The following MIPEP variants were observed in gnomAD, a reference collection of about 807,000 sequenced individuals.
The protein encoded by MIPEP is mitochondrial intermediate peptidase.
A neutral mutation model predicts 90.3 loss-of-function variants in MIPEP; 79 were observed. The ratio of observed to expected loss-of-function variants is 0.87; its 90% CI spans 0.73 to 1.05. The LOEUF (loss-of-function observed/expected upper bound fraction) is 1.05, where lower values mean the gene tolerates loss of function less well. Ranked by LOEUF, MIPEP falls within the 50% of genes least tolerant of loss-of-function variation. The pLI, the probability that MIPEP is intolerant of heterozygous loss-of-function variation, is 0.00. For synonymous variants in MIPEP, 334 were observed against 315.8 expected (o/e 1.06, Z -0.61); for missense variants, 940 against 905.6 (o/e 1.04, Z -0.49).
At chr13:23,768,745 C>T (rs1430108833) in intron 16 of MIPEP, among the ~76,000 whole-genome samples, 3 of 151,906 alleles carry the variant, frequency 2.0e-5, no homozygotes, top group Non-Finnish European at 2.9e-5. Flanking sequence ...AAAAACAAAA[C>T]AAAACAAAAA....
At chr13:23,772,856 T>A (rs1260551806) in intron 16 of MIPEP, among the ~76,000 whole-genome samples, 2 of 151,184 alleles carry the variant, frequency 1.3e-5, no homozygotes, top group South Asian at 4.1e-4. Context: ...TTCCCTGCTC[T>A]AAGACAGTGA....
chr13:23,883,593 T>C (rs1439391795), intron 2 of MIPEP, among the ~76,000 whole-genome samples: 1 of 152,162 alleles, frequency 6.6e-6, no homozygotes, highest in Non-Finnish European at 1.5e-5. Flanking sequence ...GTAAACAATA[T>C]GTAAATAGCT....
intron 18 of MIPEP, among the ~76,000 whole-genome samples, chr13:23,748,008 G>A (rs1436079424): frequency 6.6e-6 from 1 of 152,132 alleles, no homozygotes; most frequent in African/African-American, 2.4e-5. Flanking sequence ...CAAAGTGCTG[G>A]TATTACAGGC....
At chr13:23,749,919 G>C (rs959678402) in intron 18 of MIPEP, among the ~76,000 whole-genome samples, 1 of 151,964 alleles carries the variant, frequency 6.6e-6, no homozygotes, top group African/African-American at 2.4e-5. Context: ...GCCTCATTTT[G>C]TGCCTAATAC....
chr13:23,830,828 T>C (rs1868703047), intron 14 of MIPEP, among the ~76,000 whole-genome samples: 1 of 152,174 alleles, frequency 6.6e-6, no homozygotes, highest in Non-Finnish European at 1.5e-5. Flanking sequence ...CAGCCACCCC[T>C]CAGGATGGTT....
chr13:23,879,896 G>A (rs561895316), intron 3 of MIPEP, among the ~76,000 whole-genome samples: 2 of 152,226 alleles, frequency 1.3e-5, no homozygotes, highest in East Asian at 3.9e-4. Context: ...CCACTGTTGA[G>A]CAGTTGTGCC....
At chr13:23,775,950 G>A (rs1296444450) in intron 16 of MIPEP, among the ~76,000 whole-genome samples, 3 of 152,154 alleles carry the variant, frequency 2.0e-5, no homozygotes, top group Non-Finnish European at 4.4e-5. Context: ...AGAATAAAAT[G>A]TTATCAAAAT....
chr13:23,870,144 A>G lies in MIPEP; in HGVS notation c.655T>C (p.Phe219Leu), dbSNP rs565299843. 1.9e-6 allele frequency: 3 copies of G among 1,612,158 alleles called. No homozygotes were observed. The East Asian group carries it at 6.7e-5, about 36-fold the overall frequency. ...NVKILDLSSTFLMGTNFPNKI... is the reference protein window; with the variant it reads ...NVKILDLSSTLLMGTNFPNKI... ...TTGGGAAAATTGGTTCCCATAAGAA[A>G]TGTACTACTCAAATCCAAGATTTTA... The change falls in exon 6 of 19, where the codon TTT becomes CTT. Residue 219 changes from phenylalanine to leucine, a missense_variant. Physicochemically the swap from Phe to Leu is conservative, Grantham distance 22 (BLOSUM62 0). Coordinates refer to ENST00000382172, the MANE Select transcript of MIPEP (RefSeq NM_005932.4).
intron 16 of MIPEP, among the ~76,000 whole-genome samples, chr13:23,797,285 A>C (rs1952973043): frequency 6.6e-6 from 1 of 151,942 alleles, no homozygotes; most frequent in Non-Finnish European, 1.5e-5. Context: ...ATGACTCCCA[A>C]ATCTACAGAG....
At chr13:23,831,716 C>CTATTA (rs973600698) in intron 14 of MIPEP, among the ~76,000 whole-genome samples, 16 of 152,286 alleles carry the variant, frequency 1.1e-4, no homozygotes, top group Admixed American at 7.8e-4. Flanking sequence ...CCAGAGAGAG[C>CTATTA]TATTACTCCA....
intron 10 of MIPEP, among the ~76,000 whole-genome samples, chr13:23,843,717 G>A (rs1869408006): frequency 6.6e-6 from 1 of 152,162 alleles, no homozygotes; most frequent in Non-Finnish European, 1.5e-5. Context: ...GGGCTGACAG[G>A]AGGACAGACT....
intron 7 of MIPEP, among the ~76,000 whole-genome samples, chr13:23,867,149 T>C (rs1476107313): frequency 6.6e-6 from 1 of 151,970 alleles, no homozygotes; most frequent in Non-Finnish European, 1.5e-5. Flanking sequence ...ATCATCTCAC[T>C]CCTCTGCCCC....
chr13:23,880,537 G>A (rs533401718), intron 3 of MIPEP, among the ~76,000 whole-genome samples: 40 of 152,316 alleles, frequency 2.6e-4, no homozygotes, highest in Admixed American at 1.2e-3. Flanking sequence ...ACCAGCCCAC[G>A]TCTAATTCGG....
In MIPEP at chr13:23,772,506, T is replaced by C. The variant is rs1355962815; in HGVS notation, c.1849-12289A>G. The stretch of plus-strand genomic sequence containing the variant: ...TGAAGTATTCTTACAATTATTAGTA[T>C]AAAAAGAGAATCAACTAGCATTACT... On this transcript the variant is annotated intron_variant, in intron 16 of 18. Transcript: ENST00000382172. 2.0e-5 allele frequency among the ~76,000 whole-genome samples: 3 copies of C among 152,212 alleles called. No individual in the cohort carries two copies. The East Asian group carries it at 5.8e-4, about 29-fold the overall frequency.
At chr13:23,830,491 G>T (rs1438646183) in intron 14 of MIPEP, among the ~76,000 whole-genome samples, 3 of 152,130 alleles carry the variant, frequency 2.0e-5, no homozygotes, top group Non-Finnish European at 4.4e-5. Flanking sequence ...TACTTCTCAG[G>T]TTGGAGAATG....
intron 9 of MIPEP, 99 bp downstream of exon 9, chr13:23,862,203 G>A (rs1316094689): frequency 1.4e-6 from 1 of 720,540 alleles, no homozygotes; most frequent in South Asian, 1.7e-5. Context: ...AAGACTAAAT[G>A]GACCTGTAGC....
Position 23,730,459 on chromosome 13 carries a change from A to G in MIPEP, c.2045-14T>C. The G allele has an allele frequency of 6.3e-7, 1 of 1,587,558 alleles. No homozygotes were observed. Among genetic ancestry groups the G allele is most frequent in the Non-Finnish European group, 8.6e-7 (1 of 1,158,354 alleles). On this transcript the variant is annotated splice_polypyrimidine_tract_variant and intron_variant, in intron 18 of 18. Transcript: ENST00000382172. ...TCTGAAGCATACCTGCAAACAAAGGAAAGGTCAGAACTGCGTTCACCAGGA... is the reference window on the plus strand; with the variant it reads ...TCTGAAGCATACCTGCAAACAAAGGGAAGGTCAGAACTGCGTTCACCAGGA...
Position 23,867,186 on chromosome 13 carries a change from G to C in MIPEP, c.943+2106C>G, listed in dbSNP as rs1870579945. ...ACCCCCACAGTGACCTGCTGCACTT[G>C]CATCAAGTCTCTACTTAATGCCGCC... On this transcript the variant is annotated intron_variant, in intron 7 of 18. Coordinates refer to ENST00000382172, the MANE Select transcript of MIPEP (RefSeq NM_005932.4). 2.0e-5 allele frequency among the ~76,000 whole-genome samples: 3 copies of C among 152,186 alleles called. No individual in the cohort carries two copies. The South Asian group carries it at 6.2e-4, about 32-fold the overall frequency.
At chr13:23,767,190 A>G (rs1376794784) in intron 16 of MIPEP, among the ~76,000 whole-genome samples, 1 of 152,206 alleles carries the variant, frequency 6.6e-6, no homozygotes, top group African/African-American at 2.4e-5. Flanking sequence ...ACTTGCCTGC[A>G]GCCTTGTGTG....
Sources: allele counts gnomAD v4.1 joint callset (sites outside exome capture counted in the v4.1 genomes callset), GRCh38; gene constraint gnomAD v4.1.1; transcripts MANE v1.5; gene names NCBI Gene and HGNC (gene_info 2026-07-23, HGNC 2026-07-21).